RFX3: variants seen among roughly 807,000 people sequenced by gnomAD.
The protein encoded by RFX3 is regulatory factor X3.
In RFX3, 14 loss-of-function variants were observed where a neutral mutation model predicts 98.6. That is an observed-to-expected ratio of 0.14 (90% CI 0.09 to 0.22). The LOEUF (loss-of-function observed/expected upper bound fraction) is 0.22, where lower values mean the gene tolerates loss of function less well. RFX3 is among the 10% of genes least tolerant of loss of function. The probability of loss-of-function intolerance (pLI) is 1.00; values close to 1 mark genes in which losing one functional copy is unlikely to be tolerated. For missense variants in RFX3, 639 were observed against 926.9 expected (o/e 0.69, Z 4.03); for synonymous variants, 383 against 328.4 (o/e 1.17, Z -1.80).
intron 2 of RFX3, among the ~76,000 whole-genome samples, chr9:3,390,451 G>A (rs1840189660): frequency 6.6e-6 from 1 of 152,154 alleles, no homozygotes; most frequent in South Asian, 2.1e-4. Context: ...TAATGATACG[G>A]ACTATGAAAT....
intron 1 of RFX3, among the ~76,000 whole-genome samples, chr9:3,461,232 T>C (rs1292720871): frequency 1.3e-5 from 2 of 151,908 alleles, no homozygotes; most frequent in Non-Finnish European, 1.5e-5. Context: ...CAAAAAAATA[T>C]AAATTGGGTT....
intron 2 of RFX3, among the ~76,000 whole-genome samples, chr9:3,355,088 G>GA (rs957034585): frequency 6.6e-6 from 1 of 150,862 alleles, no homozygotes; most frequent in Non-Finnish European, 1.5e-5. Flanking sequence ...GAATACTAAA[G>GA]AAAAAAATAA....
At chr9:3,425,039 G>A (rs948978530) in intron 1 of RFX3, among the ~76,000 whole-genome samples, 1 of 152,074 alleles carries the variant, frequency 6.6e-6, no homozygotes, top group African/African-American at 2.4e-5. Context: ...AGACCAGCCT[G>A]GGCAACAGGC....
At chr9:3,478,704 G>C (rs1215159234) in intron 1 of RFX3, among the ~76,000 whole-genome samples, 1 of 152,148 alleles carries the variant, frequency 6.6e-6, no homozygotes, top group South Asian at 2.1e-4. Flanking sequence ...CATGTGTACA[G>C]ACTTGCACAT....
intron 4 of RFX3, among the ~76,000 whole-genome samples, chr9:3,310,876 G>C (rs1256005021): frequency 6.6e-6 from 1 of 152,096 alleles, no homozygotes; most frequent in African/African-American, 2.4e-5. Context: ...TCTGAGGAGT[G>C]AGTGGCTTAT....
chr9:3,488,854 G>A (rs1253711064), intron 1 of RFX3: 1 of 984,184 alleles, frequency 1.0e-6, no homozygotes, highest in Non-Finnish European at 1.2e-6. Context: ...AGCAGATTGA[G>A]TGTTTATCTT....
At chr9:3,236,222 G>A (rs1000478841) in intron 15 of RFX3, among the ~76,000 whole-genome samples, 11 of 151,964 alleles carry the variant, frequency 7.2e-5, no homozygotes, top group African/African-American at 1.7e-4. Context: ...AGTTCCTACC[G>A]GTCTGAAAGT....
In RFX3 at chr9:3,219,758, A is replaced by C. The variant is rs891904926; in HGVS notation, c.*5284T>G. 3 of 152,182 alleles carry C rather than the reference A, an allele frequency of 2.0e-5. No individual in the cohort carries two copies. The highest frequency in any genetic ancestry group is 7.2e-5 in the African/African-American group (3 of 41,452). The allele number at this position is 152,182 out of a possible 1,614,324, so 9.4% of individuals were successfully genotyped here. A position where few individuals can be genotyped will look rare whatever the true frequency, so the allele number is the denominator to read the frequency against. On this transcript the variant is annotated 3_prime_UTR_variant, in exon 17 of 17. Coordinates refer to ENST00000617270, the MANE Select transcript of RFX3 (RefSeq NM_001282116.2). ...AAGAGAGTTAAATTAAAACCCTTTG[A>C]GTATTGCATGTTAACACATGAGTAA...
intron 1 of RFX3, among the ~76,000 whole-genome samples, chr9:3,396,908 C>T (rs890172947): frequency 1.1e-4 from 16 of 152,098 alleles, no homozygotes; most frequent in Non-Finnish European, 5.9e-5. Context: ...TAACGTATAT[C>T]CAAAAGCCAA....
chr9:3,493,398 C>T (rs1850862361), intron 1 of RFX3, among the ~76,000 whole-genome samples: 1 of 151,906 alleles, frequency 6.6e-6, no homozygotes. Context: ...AAAAAATATA[C>T]ACTGGGCCAG....
intron 2 of RFX3, among the ~76,000 whole-genome samples, chr9:3,374,838 T>C (rs1330874532): frequency 1.4e-5 from 2 of 139,082 alleles, no homozygotes; most frequent in African/African-American, 2.7e-5. Context: ...GTAAATTTTG[T>C]ATTTTACCAT....
chr9:3,399,711 G>A (rs1426153680), intron 1 of RFX3, among the ~76,000 whole-genome samples: 2 of 151,998 alleles, frequency 1.3e-5, no homozygotes, highest in Admixed American at 1.3e-4. Flanking sequence ...CAGCACTTTG[G>A]GAGGCCAAGT....
chr9:3,318,685 T>C (rs908749582), intron 4 of RFX3, among the ~76,000 whole-genome samples: 1 of 152,166 alleles, frequency 6.6e-6, no homozygotes, highest in Non-Finnish European at 1.5e-5. Context: ...TTCCTTTCTA[T>C]TCACTGATAA....
chr9:3,352,478 A>G (rs1424093027), intron 2 of RFX3, among the ~76,000 whole-genome samples: 1 of 152,058 alleles, frequency 6.6e-6, no homozygotes, highest in Non-Finnish European at 1.5e-5. Context: ...ACATATTAAA[A>G]TCATATTAAA....
chr9:3,525,801 G>GGGA lies in RFX3; in HGVS notation c.-66_-64dup, dbSNP rs957070006. ...GTGGGTGATGGAGATGGTGGTGGTG[G>GGGA]GGAGGAGGAGGAGGAAGAGGAGGAG... On this transcript the variant is annotated 5_prime_UTR_variant, in exon 1 of 17. Transcript: ENST00000617270. 1.4e-5 allele frequency: 9 copies of GGGA among 651,290 alleles called. No individual in the cohort carries two copies. Among genetic ancestry groups the GGGA allele is most frequent in the African/African-American group, 9.9e-5 (5 of 50,752 alleles). The allele number at this position is 651,290 out of a possible 1,614,324, so 40.3% of individuals were successfully genotyped here.
chr9:3,417,144 G>C (rs1249034879), intron 1 of RFX3, among the ~76,000 whole-genome samples: 1 of 151,922 alleles, frequency 6.6e-6, no homozygotes, highest in East Asian at 1.9e-4. Context: ...TATTCATCAA[G>C]AGAATATAAC....
chr9:3,244,852 C>T (rs142825408), intron 15 of RFX3, among the ~76,000 whole-genome samples: 20 of 152,302 alleles, frequency 1.3e-4, no homozygotes, highest in Middle Eastern at 3.4e-3. Flanking sequence ...ATCTAAGCTC[C>T]TCGAAGGCTG....
chr9:3,477,970 CT>C (rs1849416465), intron 1 of RFX3, among the ~76,000 whole-genome samples: 1 of 152,106 alleles, frequency 6.6e-6, no homozygotes, highest in African/African-American at 2.4e-5. Flanking sequence ...TACTTTTAAG[CT>C]CCAGAACTTC....
At chr9:3,381,359 G>T (rs1839175922) in intron 2 of RFX3, among the ~76,000 whole-genome samples, 1 of 151,974 alleles carries the variant, frequency 6.6e-6, no homozygotes, top group South Asian at 2.1e-4. Flanking sequence ...TTATTACTGG[G>T]ATCTGAAGCT....
Sources: allele counts gnomAD v4.1 joint callset (sites outside exome capture counted in the v4.1 genomes callset), GRCh38; gene constraint gnomAD v4.1.1; transcripts MANE v1.5; gene names NCBI Gene and HGNC (gene_info 2026-07-23, HGNC 2026-07-21).